The following TMLHE variants were observed in gnomAD, a reference collection of about 807,000 sequenced individuals.
The protein encoded by TMLHE is trimethyllysine hydroxylase, epsilon, also known as trimethyllysine dioxygenase, mitochondrial.
TMLHE carries 18 observed loss-of-function variants against 25.7 expected under a neutral mutation model. That is an observed-to-expected ratio of 0.70 (90% CI 0.48 to 1.04). The LOEUF (loss-of-function observed/expected upper bound fraction) is 1.04. Ranked by LOEUF, TMLHE falls within the 50% of genes least tolerant of loss-of-function variation. The probability of loss-of-function intolerance (pLI) is 0.00; values close to 1 mark genes in which losing one functional copy is unlikely to be tolerated. For synonymous variants in TMLHE, 105 were observed against 97.0 expected, an observed-to-expected ratio of 1.08 and a Z score of -0.49; for missense variants, 236 against 259.0, an observed-to-expected ratio of 0.91 and a Z score of 0.61.
At chrX:155,581,565 C>T (rs782489975) in intron 1 of TMLHE, among the ~76,000 whole-genome samples, 1 of 110,804 alleles carries the variant, frequency 9.0e-6, no homozygotes, top group South Asian at 3.9e-4. Context: ...AGTGAACTCC[C>T]ATTCATAATT....
intron 1 of TMLHE, among the ~76,000 whole-genome samples, chrX:155,555,490 A>G (rs2124436417): frequency 9.0e-6 from 1 of 110,557 alleles, no homozygotes; most frequent in African/African-American, 3.3e-5. Context: ...TTACAGTCCC[A>G]CCAACAGCGT....
intron 5 of TMLHE, among the ~76,000 whole-genome samples, chrX:155,510,139 G>T (rs1393392659): frequency 9.0e-6 from 1 of 110,615 alleles, no homozygotes; most frequent in Non-Finnish European, 1.9e-5. Context: ...ATACTTTTTT[G>T]GGGGATAATT....
chrX:155,591,661 C>T (rs782139232), intron 1 of TMLHE, among the ~76,000 whole-genome samples: 1 of 111,406 alleles, frequency 9.0e-6, no homozygotes, highest in East Asian at 2.8e-4. Context: ...CACTTCACAC[C>T]TATTAGAATG....
chrX:155,559,890 T>G (rs2067483080), intron 1 of TMLHE, among the ~76,000 whole-genome samples: 1 of 112,294 alleles, frequency 8.9e-6, no homozygotes, highest in Admixed American at 9.4e-5. Flanking sequence ...TAAAACACTT[T>G]CATCATGCCA....
At chrX:155,574,454 G>T (rs1370672450) in intron 1 of TMLHE, among the ~76,000 whole-genome samples, 1 of 112,040 alleles carries the variant, frequency 8.9e-6, no homozygotes, top group East Asian at 2.8e-4. Context: ...TAGCCTTACT[G>T]GTTAAAGATT....
chrX:155,541,295 GT>G (rs1251785751), intron 2 of TMLHE, among the ~76,000 whole-genome samples: 2 of 111,189 alleles, frequency 1.8e-5, no homozygotes, highest in East Asian at 2.8e-4. Context: ...AACATGCGAT[GT>G]TTGGTTTTCT....
chrX:155,530,352 G>A (rs1250294280), intron 2 of TMLHE, among the ~76,000 whole-genome samples: 4 of 110,523 alleles, frequency 3.6e-5, no homozygotes, highest in South Asian at 3.8e-4. Flanking sequence ...ATTTGTATCC[G>A]GAATCTTAAA....
At chrX:155,527,609 T>A (rs2067227365) in intron 2 of TMLHE, among the ~76,000 whole-genome samples, 1 of 111,438 alleles carries the variant, frequency 9.0e-6, no homozygotes, top group Admixed American at 9.5e-5. Context: ...TTTCTATACA[T>A]CAGGTTACTC....
At chrX:155,583,428 C>T (rs2067644511) in intron 1 of TMLHE, among the ~76,000 whole-genome samples, 1 of 110,736 alleles carries the variant, frequency 9.0e-6, no homozygotes, top group South Asian at 3.9e-4. Context: ...AAAGACCCAC[C>T]CCCATGATTC....
At chrX:155,606,827 A>T (rs1305649547) in intron 1 of TMLHE, among the ~76,000 whole-genome samples, 1 of 108,535 alleles carries the variant, frequency 9.2e-6, no homozygotes, top group Non-Finnish European at 1.9e-5. Context: ...CCCATCAGAG[A>T]CTATTATGAA....
intron 2 of TMLHE, among the ~76,000 whole-genome samples, chrX:155,529,108 C>T (rs1214623496): frequency 9.0e-6 from 1 of 111,718 alleles, no homozygotes; most frequent in African/African-American, 3.3e-5. Context: ...TTAAGGACAA[C>T]TAACTAAAGC....
At chrX:155,545,753 A>G (rs982578565) in intron 1 of TMLHE, among the ~76,000 whole-genome samples, 2 of 111,416 alleles carry the variant, frequency 1.8e-5, no homozygotes, top group Non-Finnish European at 3.8e-5. Flanking sequence ...ACAATTGCCT[A>G]CAGTATTCAG....
chrX:155,512,389 A>C (rs964412653), intron 4 of TMLHE, among the ~76,000 whole-genome samples: 6 of 100,912 alleles, frequency 5.9e-5, no homozygotes. Flanking sequence ...TCATTGTTCA[A>C]TTCCCACCTA....
At chrX:155,558,992 G>C (rs1010702953) in intron 1 of TMLHE, among the ~76,000 whole-genome samples, 41 of 111,574 alleles carry the variant, frequency 3.7e-4, no homozygotes, top group African/African-American at 1.2e-3. Context: ...TTGAAAATTT[G>C]TTTTAGAAGC....
At chrX:155,605,149 A>C (rs1467657449) in intron 1 of TMLHE, among the ~76,000 whole-genome samples, 5 of 112,292 alleles carry the variant, frequency 4.5e-5, no homozygotes, top group African/African-American at 1.6e-4. Context: ...AACTGAATCC[A>C]AGGAATTTAA....
intron 1 of TMLHE, among the ~76,000 whole-genome samples, chrX:155,548,291 C>G (rs2067369452): frequency 9.0e-6 from 1 of 111,724 alleles, no homozygotes; most frequent in Non-Finnish European, 1.9e-5. Flanking sequence ...AGGATACAAC[C>G]AACAAAGTGA....
chrX:155,611,829 T>C (rs2067824289), intron 1 of TMLHE, among the ~76,000 whole-genome samples: 1 of 112,121 alleles, frequency 8.9e-6, no homozygotes, highest in Non-Finnish European at 1.9e-5. Context: ...ATAGTCCTTC[T>C]TTGTCTTTAT....
At chrX:155,506,570 C>T (rs1557332692) in intron 6 of TMLHE, among the ~76,000 whole-genome samples, 1 of 111,418 alleles carries the variant, frequency 9.0e-6, no homozygotes, top group Non-Finnish European at 1.9e-5. Flanking sequence ...TAAATCTGGG[C>T]TGGATACATA....
At chrX:155,547,933 A>G (rs1258874111) in intron 1 of TMLHE, among the ~76,000 whole-genome samples, 1 of 111,293 alleles carries the variant, frequency 9.0e-6, no homozygotes, top group Non-Finnish European at 1.9e-5. Context: ...TATTTAAACC[A>G]TAAAGAATGG....
Sources: allele counts gnomAD v4.1 joint callset (sites outside exome capture counted in the v4.1 genomes callset), GRCh38; gene constraint gnomAD v4.1.1; transcripts MANE v1.5; gene names NCBI Gene and HGNC (gene_info 2026-07-23, HGNC 2026-07-21).